SLC14A2: variants seen among roughly 807,000 people sequenced by gnomAD.
SLC14A2 encodes the protein solute carrier family 14 member 2.
SLC14A2 carries 91 observed loss-of-function variants against 104.6 expected under a neutral mutation model. The ratio of observed to expected loss-of-function variants is 0.87; its 90% confidence interval spans 0.73 to 1.04. The LOEUF (loss-of-function observed/expected upper bound fraction) is 1.04. Ranked by LOEUF, SLC14A2 falls within the 50% of genes least tolerant of loss-of-function variation. The pLI, the probability that SLC14A2 is intolerant of heterozygous loss-of-function variation, is 0.00. For synonymous variants in SLC14A2, 476 were observed against 466.4 expected, an observed-to-expected ratio of 1.02 and a Z score of -0.27; for missense variants, 1,189 against 1,156.0, an observed-to-expected ratio of 1.03 and a Z score of -0.41.
At chr18:45,447,959 G>A (rs1019967240) in intron 1 of SLC14A2, among the ~76,000 whole-genome samples, 4 of 152,176 alleles carry the variant, frequency 2.6e-5, no homozygotes, top group African/African-American at 9.7e-5. Flanking sequence ...ATAAATGAGG[G>A]ACAACCCTCT....
At chr18:45,656,305 G>C (rs940090540) in intron 10 of SLC14A2, among the ~76,000 whole-genome samples, 6 of 135,870 alleles carry the variant, frequency 4.4e-5, no homozygotes, top group Non-Finnish European at 9.6e-5. Flanking sequence ...CAAGAAGAGG[G>C]ATGGAGGGAG....
chr18:45,401,545 G>C (rs1050771150), intron 1 of SLC14A2, among the ~76,000 whole-genome samples: 4 of 152,246 alleles, frequency 2.6e-5, no homozygotes, highest in Non-Finnish European at 5.9e-5. Context: ...TGAGGGCAGA[G>C]CTTTGCAGCT....
At chr18:45,266,993 C>A (rs1429102462) in intron 1 of SLC14A2, among the ~76,000 whole-genome samples, 2 of 152,122 alleles carry the variant, frequency 1.3e-5, no homozygotes, top group African/African-American at 4.8e-5. Flanking sequence ...GGAAACCAGG[C>A]AAACCATGTG....
At chr18:45,532,907 A>T (rs2043719334) in intron 2 of SLC14A2, among the ~76,000 whole-genome samples, 1 of 152,166 alleles carries the variant, frequency 6.6e-6, no homozygotes, top group African/African-American at 2.4e-5. Context: ...TTTAGCATGA[A>T]GGGTTGTTGA....
intron 1 of SLC14A2, among the ~76,000 whole-genome samples, chr18:45,473,269 G>T (rs1286972825): frequency 2.0e-5 from 3 of 152,198 alleles, no homozygotes; most frequent in Admixed American, 6.5e-5. Flanking sequence ...ATGCTGTTTT[G>T]GTTACTGTAG....
At chr18:45,291,466 G>A (rs570530847) in intron 1 of SLC14A2, among the ~76,000 whole-genome samples, 89 of 152,266 alleles carry the variant, frequency 5.8e-4, no homozygotes, top group African/African-American at 2.0e-3. Flanking sequence ...CCATTGAGAT[G>A]AGGAAATTTG....
At chr18:45,282,299 C>T (rs181713919) in intron 1 of SLC14A2, among the ~76,000 whole-genome samples, 14 of 152,204 alleles carry the variant, frequency 9.2e-5, no homozygotes, top group Admixed American at 3.3e-4. Context: ...GCTTTAGTTA[C>T]GAGTCATAGG....
At chr18:45,222,620 T>TGGGGTGTGAACAAGAAGGCA (rs1363344460) in intron 1 of SLC14A2, among the ~76,000 whole-genome samples, 1 of 152,060 alleles carries the variant, frequency 6.6e-6, no homozygotes, top group Non-Finnish European at 1.5e-5. Context: ...ACCAGCTGGA[T>TGGGGTGTGAACAAGAAGGCA]GGGGTGTGAA....
At chr18:45,563,021 G>A (rs1374380589) in intron 2 of SLC14A2, among the ~76,000 whole-genome samples, 2 of 152,158 alleles carry the variant, frequency 1.3e-5, no homozygotes, top group Non-Finnish European at 2.9e-5. Flanking sequence ...GATTTTCTAG[G>A]TCTTTGAAAA....
Position 45,551,106 on chromosome 18 carries a change from C to A in SLC14A2, c.-35+67784C>A, listed in dbSNP as rs879582408. 1.7e-4 allele frequency among the ~76,000 whole-genome samples: 26 copies of A among 152,138 alleles called. 1 individual carries two copies. The highest frequency in any genetic ancestry group is 1.7e-3 in the Admixed American group (26 of 15,280). On this transcript the variant is annotated intron_variant, in intron 2 of 20. Transcript: ENST00000586448. ...ATTAATCAATATGGCTTAGAACAAG[C>A]AATGAGTAGCCCTAAGTTCATTCTG...
At chr18:45,566,365 G>A (rs1247098083) in intron 2 of SLC14A2, among the ~76,000 whole-genome samples, 2 of 152,166 alleles carry the variant, frequency 1.3e-5, no homozygotes, top group Non-Finnish European at 1.5e-5. Context: ...GCCTTCAATG[G>A]AAGAAAGTAG....
At chr18:45,359,063 G>T (rs1055150088) in intron 1 of SLC14A2, among the ~76,000 whole-genome samples, 1 of 152,156 alleles carries the variant, frequency 6.6e-6, no homozygotes. Context: ...AGAGTTTTGG[G>T]GAGAGTCAGA....
At chr18:45,401,025 G>T (rs1273270151) in intron 1 of SLC14A2, among the ~76,000 whole-genome samples, 9 of 152,130 alleles carry the variant, frequency 5.9e-5, no homozygotes, top group Admixed American at 5.9e-4. Context: ...GTTCTTTTCA[G>T]TGAGCAAGGG....
chr18:45,623,530 G>T (rs934191985), intron 1 of SLC14A2, among the ~76,000 whole-genome samples: 1 of 152,200 alleles, frequency 6.6e-6, no homozygotes, highest in Non-Finnish European at 1.5e-5. Context: ...CAAGCAAGGT[G>T]AGTGGTGCTC....
chr18:45,222,731 C>T lies in SLC14A2; in HGVS notation c.-125+9540C>T, dbSNP rs570698460. Reference sequence around the variant, plus strand: ...CCCTTTGGATATCACTGCACACTATCTATTTTAAATATTCCAGGCCATTTT... The same window carrying T: ...CCCTTTGGATATCACTGCACACTATTTATTTTAAATATTCCAGGCCATTTT... On this transcript the variant is annotated intron_variant, in intron 1 of 20. Coordinates refer to the SLC14A2 transcript ENST00000586448. Among the ~76,000 whole-genome samples the T allele has an allele frequency of 5.3e-5, 8 of 152,300 alleles. No homozygotes were observed. In the East Asian group the frequency reaches 1.4e-3, roughly 26 times the overall value.
chr18:45,671,748 G>C (rs886346199), intron 16 of SLC14A2, among the ~76,000 whole-genome samples: 1 of 152,100 alleles, frequency 6.6e-6, no homozygotes, highest in Non-Finnish European at 1.5e-5. Context: ...CTCCCTCCCC[G>C]GCCACGCGCA....
chr18:45,669,569 C>A, intron 16 of SLC14A2, 71 bp downstream of exon 16: 1 of 1,203,218 alleles, frequency 8.3e-7, no homozygotes, highest in Non-Finnish European at 1.2e-6. Flanking sequence ...ATATTTTGCA[C>A]ATCAGAAACA....
intron 1 of SLC14A2, among the ~76,000 whole-genome samples, chr18:45,367,427 G>A (rs1277215929): frequency 2.0e-5 from 3 of 152,072 alleles, no homozygotes; most frequent in African/African-American, 7.2e-5. Context: ...CAAGAACAAG[G>A]AAAAGAAAAG....
At chr18:45,213,107 C>G (rs1256189465) in exon 1 of SLC14A2, 1 of 152,238 alleles carries the variant, frequency 6.6e-6, no homozygotes, top group Non-Finnish European at 1.5e-5. Flanking sequence ...GAACATATCT[C>G]ATTGAAGTAT....
Sources: gnomAD v4.1 joint callset for allele counts (sites outside exome capture counted in the v4.1 genomes callset) on GRCh38, gnomAD v4.1.1 for gene constraint, MANE v1.5 for transcripts, NCBI Gene and HGNC (gene_info 2026-07-23, HGNC 2026-07-21) for gene names.